Variants in SLC7A14 observed in about 807,000 individuals in gnomAD.
SLC7A14 encodes gamma-aminobutyric acid transporter SLC7A14.
In SLC7A14, 37 loss-of-function variants were observed where a neutral mutation model predicts 60.2. That is an observed-to-expected ratio of 0.61 (90% confidence interval 0.47 to 0.81). SLC7A14 has a LOEUF of 0.81. Ranked by LOEUF, SLC7A14 falls within the 30% of genes least tolerant of loss-of-function variation. SLC7A14 has a pLI of 0.00. For synonymous variants in SLC7A14, 399 were observed against 395.8 expected (o/e 1.01, Z -0.10); for missense variants, 886 against 982.7 (o/e 0.90, Z 1.32).
At chr3:170,523,633 G>T (rs1713405845) in intron 2 of SLC7A14, among the ~76,000 whole-genome samples, 1 of 152,154 alleles carries the variant, frequency 6.6e-6, no homozygotes, top group Admixed American at 6.6e-5. Flanking sequence ...AGCAATTATT[G>T]CTGGAGATAA....
rs1479362413 is a variant in SLC7A14 at position 170,492,180 on chromosome 3, T to C, written c.760-5812A>G. Among the ~76,000 whole-genome samples, 3 of 152,156 alleles carry C rather than the reference T, an allele frequency of 2.0e-5. No homozygotes were observed. The South Asian group carries it at 6.2e-4, about 32-fold the overall frequency. On this transcript the variant is annotated intron_variant, in intron 4 of 7. Transcript: ENST00000231706. ...TGTTTATAATTAGGATAGACTTCCA[T>C]GCATAAAAGCACATGTGCAGTACCT... is the stretch of plus-strand genomic sequence containing the variant.
At chr3:170,495,838 G>A (rs1712373913) in intron 4 of SLC7A14, 11 of 1,142,738 alleles carry the variant, frequency 9.6e-6, no homozygotes, top group Admixed American at 3.4e-5. Context: ...AAGATGGCTC[G>A]GATCAACGTA....
At chr3:170,487,328 A>G (rs1044024086) in intron 4 of SLC7A14, among the ~76,000 whole-genome samples, 5 of 151,510 alleles carry the variant, frequency 3.3e-5, no homozygotes, top group South Asian at 2.1e-4. Flanking sequence ...CAGTATTTTC[A>G]TTGTTAGCTC....
At chr3:170,514,839 A>G (rs1454396753) in intron 2 of SLC7A14, among the ~76,000 whole-genome samples, 1 of 152,218 alleles carries the variant, frequency 6.6e-6, no homozygotes, top group Non-Finnish European at 1.5e-5. Context: ...TAATACAAAC[A>G]TTACTGAGCA....
intron 2 of SLC7A14, among the ~76,000 whole-genome samples, chr3:170,523,996 G>A (rs1014119418): frequency 6.6e-6 from 1 of 152,192 alleles, no homozygotes; most frequent in Non-Finnish European, 1.5e-5. Flanking sequence ...GGCCTCAGTG[G>A]CTAGATAAGT....
intron 2 of SLC7A14, among the ~76,000 whole-genome samples, chr3:170,510,216 C>G (rs929354657): frequency 2.0e-5 from 3 of 151,480 alleles, no homozygotes; most frequent in Non-Finnish European, 4.4e-5. Flanking sequence ...GTGGTGAAAC[C>G]CTGTCTCTAC....
intron 1 of SLC7A14, among the ~76,000 whole-genome samples, chr3:170,583,530 A>C (rs1715294337): frequency 6.6e-6 from 1 of 152,248 alleles, no homozygotes; most frequent in Non-Finnish European, 1.5e-5. Flanking sequence ...GCCTGGAATC[A>C]AGTTAACTGG....
chr3:170,478,378 A>G (rs1162312689), intron 7 of SLC7A14, among the ~76,000 whole-genome samples: 1 of 152,042 alleles, frequency 6.6e-6, no homozygotes, highest in African/African-American at 2.4e-5. Flanking sequence ...ATGCCCAGCC[A>G]AGAGATTGTA....
chr3:170,556,132 T>C (rs1243635064), intron 1 of SLC7A14, among the ~76,000 whole-genome samples: 1 of 152,364 alleles, frequency 6.6e-6, no homozygotes, highest in South Asian at 2.1e-4. Context: ...GTTTCTTCTT[T>C]TGTAAAATGA....
At chr3:170,495,998 G>A in intron 4 of SLC7A14, 1 of 1,161,770 alleles carries the variant, frequency 8.6e-7, no homozygotes, top group East Asian at 2.3e-5. Flanking sequence ...GTACAGAAAC[G>A]GAGAATGAAT....
chr3:170,483,564 G>A, intron 5 of SLC7A14, 42 bp from the exon 6 acceptor site: 2 of 1,606,430 alleles, frequency 1.2e-6, no homozygotes, highest in Non-Finnish European at 1.7e-6. Flanking sequence ...TACAGGGGAA[G>A]AACAGCATGG....
chr3:170,523,853 C>T (rs572620890), intron 2 of SLC7A14, among the ~76,000 whole-genome samples: 11 of 152,276 alleles, frequency 7.2e-5, no homozygotes, highest in African/African-American at 2.4e-4. Flanking sequence ...GCAGCACTTC[C>T]TTTAGTTTAG....
chr3:170,499,296 CTGTGTG>C (rs10555697), intron 3 of SLC7A14, among the ~76,000 whole-genome samples: 1 of 139,476 alleles, frequency 7.2e-6, no homozygotes. Flanking sequence ...AAAAGGAACT[CTGTGTG>C]TGTGTGTGTG....
intron 4 of SLC7A14, among the ~76,000 whole-genome samples, chr3:170,497,087 C>CAAAAAAAA (rs548290941): frequency 6.8e-4 from 64 of 93,934 alleles, no homozygotes; most frequent in East Asian, 1.7e-3. Flanking sequence ...TTATTTTGTC[C>CAAAAAAAA]AAAAAAAAAA....
At chr3:170,477,667 T>G (rs1180777251) in intron 7 of SLC7A14, among the ~76,000 whole-genome samples, 1 of 152,276 alleles carries the variant, frequency 6.6e-6, no homozygotes, top group East Asian at 1.9e-4. Context: ...AAGTCATCTA[T>G]AGTCTCTTTC....
intron 2 of SLC7A14, among the ~76,000 whole-genome samples, chr3:170,503,782 C>T (rs1354834502): frequency 6.6e-6 from 1 of 152,174 alleles, no homozygotes; most frequent in African/African-American, 2.4e-5. Context: ...AAAAATACCC[C>T]CATTTTGCCA....
chr3:170,500,438 CAAAAAAA>C (rs66971540), intron 3 of SLC7A14, among the ~76,000 whole-genome samples: 1 of 55,626 alleles, frequency 1.8e-5, no homozygotes, highest in African/African-American at 6.3e-5. Flanking sequence ...GACTCTGTCT[CAAAAAAA>C]AAAAAAAAAA....
rs548290941 is a variant in SLC7A14, at chr3:170,497,087, C to CAA, written c.759+1578_759+1579dup. On this transcript the variant is annotated intron_variant, in intron 4 of 7. Transcript: ENST00000231706. ...AACAATTTAATTGCTTTATTTTGTC[C>CAA]AAAAAAAAAAAAAAAAAAAAAAAGA... Among the ~76,000 whole-genome samples the CAA allele has an allele frequency of 8.8e-3, 824 of 93,778 alleles. 8 individuals carry two copies. The highest frequency in any genetic ancestry group is 0.021 in the East Asian group (60 of 2,872). 61.5% of individuals were successfully genotyped at this position (93,778 alleles called of 152,430 possible). A position where few individuals can be genotyped will look rare whatever the true frequency, so the allele number is the denominator to read the frequency against.
intron 4 of SLC7A14, among the ~76,000 whole-genome samples, chr3:170,489,386 A>G (rs1248043678): frequency 6.6e-6 from 1 of 152,222 alleles, no homozygotes; most frequent in Non-Finnish European, 1.5e-5. Context: ...AACTATAATC[A>G]GATATTATCT....
Sources: allele counts gnomAD v4.1 joint callset (sites outside exome capture counted in the v4.1 genomes callset), GRCh38; gene constraint gnomAD v4.1.1; transcripts MANE v1.5; gene names NCBI Gene and HGNC (gene_info 2026-07-23, HGNC 2026-07-21).